The following SCHIP1 variants were observed in gnomAD, a reference collection of about 807,000 sequenced individuals.
SCHIP1 encodes the protein schwannomin-interacting protein 1.
Under a neutral mutation model 29.7 loss-of-function variants are expected in SCHIP1, and 8 were observed. The observed-to-expected ratio is 0.27, with a 90% CI of 0.16 to 0.49. The LOEUF (loss-of-function observed/expected upper bound fraction) is 0.49, where lower values mean the gene tolerates loss of function less well. SCHIP1 is among the 20% of genes least tolerant of loss of function. SCHIP1 has a pLI of 0.99. For missense variants in SCHIP1, 193 were observed against 294.6 expected (o/e 0.66, Z 2.52); for synonymous variants, 76 against 94.9 (o/e 0.80, Z 1.16).
chr3:159,873,643 T>C (rs1245343118), intron 2 of SCHIP1, among the ~76,000 whole-genome samples: 3 of 152,216 alleles, frequency 2.0e-5, no homozygotes, highest in Non-Finnish European at 2.9e-5. Context: ...ATTTGACTTA[T>C]ACTGAAATGT....
the SCHIP1 span, among the ~76,000 whole-genome samples, chr3:159,561,515 C>G: frequency 6.6e-6 from 1 of 152,144 alleles, no homozygotes; most frequent in East Asian, 1.9e-4. Flanking sequence ...ACATTCTGCT[C>G]TTGACCTTAA....
the SCHIP1 span, among the ~76,000 whole-genome samples, chr3:159,708,338 A>G: frequency 6.6e-6 from 1 of 152,224 alleles, no homozygotes; most frequent in Non-Finnish European, 1.5e-5. Flanking sequence ...AGGAAGAGAG[A>G]TGGTAAGATA....
the SCHIP1 span, among the ~76,000 whole-genome samples, chr3:159,442,630 C>T: frequency 1.3e-5 from 2 of 152,336 alleles, no homozygotes; most frequent in Admixed American, 1.3e-4. Context: ...AAACTATCTA[C>T]ACTTTCAGAA....
the SCHIP1 span, among the ~76,000 whole-genome samples, chr3:159,780,394 A>C: frequency 6.6e-6 from 1 of 152,118 alleles, no homozygotes; most frequent in Non-Finnish European, 1.5e-5. Context: ...CAAGTCGGGA[A>C]CCCTAATTAA....
chr3:159,740,775 A>AAAAG, the SCHIP1 span, among the ~76,000 whole-genome samples: 2 of 148,366 alleles, frequency 1.3e-5, no homozygotes, highest in Non-Finnish European at 3.0e-5. Context: ...AAAAAAGAAA[A>AAAAG]AAAAAAAAAA....
chr3:159,307,525 AT>A, the SCHIP1 span, among the ~76,000 whole-genome samples: 1,193 of 151,678 alleles, frequency 7.9e-3, 13 homozygotes, highest in African/African-American at 0.027. Context: ...CTTAATTTAA[AT>A]TTTTTTTTGA....
At chr3:159,319,821 T>G in the SCHIP1 span, among the ~76,000 whole-genome samples, 1 of 152,222 alleles carries the variant, frequency 6.6e-6, no homozygotes, top group Non-Finnish European at 1.5e-5. Flanking sequence ...GGTTTACTCC[T>G]CATTTGAATC....
intron 1 of SCHIP1, among the ~76,000 whole-genome samples, chr3:159,856,437 C>T (rs1358573066): frequency 6.6e-6 from 1 of 151,932 alleles, no homozygotes; most frequent in Non-Finnish European, 1.5e-5. Flanking sequence ...ACCTTAAACA[C>T]GAGAGTTGTT....
chr3:159,410,483 T>A, the SCHIP1 span, among the ~76,000 whole-genome samples: 16,425 of 152,154 alleles, frequency 0.11, 1,018 homozygotes, highest in Non-Finnish European at 0.13. Flanking sequence ...GAATAGATAT[T>A]TCTCAAGAGA....
chr3:159,352,778 T>TA, the SCHIP1 span, among the ~76,000 whole-genome samples: 1 of 151,868 alleles, frequency 6.6e-6, no homozygotes, highest in African/African-American at 2.4e-5. Flanking sequence ...AGCTTTTTTT[T>TA]TTTTACTTTA....
chr3:159,717,545 G>C, the SCHIP1 span, among the ~76,000 whole-genome samples: 4 of 152,070 alleles, frequency 2.6e-5, no homozygotes, highest in South Asian at 6.2e-4. Flanking sequence ...TGATAAAGGG[G>C]ATATCACCAC....
chr3:159,292,832 C>G, the SCHIP1 span, among the ~76,000 whole-genome samples: 6 of 152,128 alleles, frequency 3.9e-5, no homozygotes, highest in African/African-American at 1.4e-4. Flanking sequence ...ATATTGGCAT[C>G]GTACTTTTTT....
chr3:159,508,256 A>G, the SCHIP1 span, among the ~76,000 whole-genome samples: 2 of 152,188 alleles, frequency 1.3e-5, no homozygotes, highest in Non-Finnish European at 2.9e-5. Flanking sequence ...ATTTGCGTAG[A>G]GATGTTTATA....
At chr3:159,810,459 A>C in the SCHIP1 span, among the ~76,000 whole-genome samples, 5 of 152,186 alleles carry the variant, frequency 3.3e-5, no homozygotes, top group Non-Finnish European at 5.9e-5. Flanking sequence ...CCTCTTGCTC[A>C]TTGGCAGTCT....
the SCHIP1 span, among the ~76,000 whole-genome samples, chr3:159,288,500 G>A: frequency 6.6e-6 from 1 of 152,142 alleles, no homozygotes; most frequent in African/African-American, 2.4e-5. Context: ...CACTTTGGGA[G>A]GCCGGGGCGG....
intron 2 of SCHIP1, among the ~76,000 whole-genome samples, chr3:159,876,662 T>TA (rs1419335632): frequency 2.0e-5 from 3 of 152,210 alleles, no homozygotes; most frequent in Non-Finnish European, 4.4e-5. Flanking sequence ...TCTTAACACT[T>TA]AGAGTTTTTA....
the SCHIP1 span, among the ~76,000 whole-genome samples, chr3:159,428,512 G>T: frequency 2.0e-5 from 3 of 152,172 alleles, no homozygotes; most frequent in Non-Finnish European, 4.4e-5. Context: ...TCTCACACCA[G>T]TTAGAATGGC....
chr3:159,762,008 T>C, the SCHIP1 span, among the ~76,000 whole-genome samples: 6 of 152,210 alleles, frequency 3.9e-5, no homozygotes, highest in African/African-American at 9.7e-5. Context: ...GGGAGCTTTT[T>C]GTGATCTAAG....
chr3:159,312,488 C>T, the SCHIP1 span, among the ~76,000 whole-genome samples: 22 of 152,286 alleles, frequency 1.4e-4, no homozygotes, highest in African/African-American at 4.3e-4. Flanking sequence ...TGACGTGCAT[C>T]GCCTCCTCCC....
Sources: gnomAD v4.1 joint callset for allele counts (sites outside exome capture counted in the v4.1 genomes callset) on GRCh38, gnomAD v4.1.1 for gene constraint, MANE v1.5 for transcripts, NCBI Gene and HGNC (gene_info 2026-07-23, HGNC 2026-07-21) for gene names.